SNX29: variants seen among roughly 807,000 people sequenced by gnomAD.
SNX29 encodes the protein sorting nexin 29.
A neutral mutation model predicts 102.1 loss-of-function variants in SNX29; 78 were observed. The ratio of observed to expected loss-of-function variants is 0.76; its 90% CI spans 0.64 to 0.92. The LOEUF is 0.92. Among genes scored for constraint, SNX29 ranks in the 40% least tolerant of loss-of-function variants. SNX29 has a pLI of 0.00. For missense variants in SNX29, 1,280 were observed against 1,061.7 expected, an observed-to-expected ratio of 1.21 and a Z score of -2.86; for synonymous variants, 580 against 414.5, an observed-to-expected ratio of 1.40 and a Z score of -4.85.
chr16:12,508,509 G>T (rs1297960158), intron 19 of SNX29, among the ~76,000 whole-genome samples: 1 of 152,216 alleles, frequency 6.6e-6, no homozygotes, highest in Non-Finnish European at 1.5e-5. Flanking sequence ...ATTTGAATTA[G>T]CTGCTAGCTG....
rs553272103 is a variant in SNX29, at chr16:12,051,954, C to A, written c.856C>A (p.Pro286Thr). 1.3e-5 allele frequency: 21 copies of A among 1,613,716 alleles called. No individual in the cohort carries two copies. The South Asian group carries it at 2.0e-4, about 15-fold the overall frequency. Residue 286 changes from proline (P) to threonine (T), a missense_variant, in exon 8 of 21, where the codon CCT (proline) becomes ACT (threonine). Physicochemically the swap from Pro to Thr is conservative, Grantham distance 38. Transcript: ENST00000566228. ...QNSGDVFKKT[P>T]GAGESSEDNS... ...CTCTGGGGACGTGTTTAAAAAGACA[C>A]CTGGGGCAGGGGAGAGCTCAGAGGA...
chr16:12,555,546 C>T (rs532912920), intron 20 of SNX29, among the ~76,000 whole-genome samples: 8 of 151,120 alleles, frequency 5.3e-5, no homozygotes, highest in East Asian at 4.0e-4. Context: ...GAGGTCATAC[C>T]GTGGGTTTGA....
chr16:12,385,867 G>T (rs1463378919), intron 16 of SNX29, among the ~76,000 whole-genome samples: 1 of 152,224 alleles, frequency 6.6e-6, no homozygotes, highest in Non-Finnish European at 1.5e-5. Context: ...AACATTCTCT[G>T]GGACCAACGG....
rs186087474 is a variant in SNX29 at position 12,036,632 on chromosome 16, C to A, written c.248-6265C>A. Among the ~76,000 whole-genome samples the A allele has an allele frequency of 3.5e-5, 5 of 142,478 alleles. No individual in the cohort carries two copies. In the South Asian group the frequency reaches 6.5e-4, roughly 18 times the overall value. The allele number at this position is 142,478 out of a possible 152,430, so 93.5% of individuals were successfully genotyped here. A position where few individuals can be genotyped will look rare whatever the true frequency, so the allele number is the denominator to read the frequency against. ...TACAGGCGTGAGCCACCGCGCCCAGCGGGTTTTCTGTTTTTGTTTTTGTTG... is the reference window on the plus strand; with the variant it reads ...TACAGGCGTGAGCCACCGCGCCCAGAGGGTTTTCTGTTTTTGTTTTTGTTG... On this transcript the variant is annotated intron_variant, in intron 4 of 20. Coordinates refer to ENST00000566228, the MANE Select transcript of SNX29 (RefSeq NM_032167.5).
intron 16 of SNX29, among the ~76,000 whole-genome samples, chr16:12,395,468 C>A (rs931303143): frequency 1.3e-5 from 2 of 152,236 alleles, no homozygotes; most frequent in Non-Finnish European, 2.9e-5. Flanking sequence ...TTTGCTCCAG[C>A]ATGATTCAGG....
At chr16:12,397,297 T>A (rs1055247476) in intron 16 of SNX29, among the ~76,000 whole-genome samples, 1 of 152,224 alleles carries the variant, frequency 6.6e-6, no homozygotes, top group African/African-American at 2.4e-5. Flanking sequence ...TTTTTCACCT[T>A]TTAGCTGACT....
At chr16:12,378,244 C>A (rs1251552382) in intron 16 of SNX29, among the ~76,000 whole-genome samples, 1 of 152,144 alleles carries the variant, frequency 6.6e-6, no homozygotes, top group Non-Finnish European at 1.5e-5. Flanking sequence ...GGTGTTTCCA[C>A]TCGTGGCAGC....
At chr16:12,390,232 C>A (rs1169807186) in intron 16 of SNX29, among the ~76,000 whole-genome samples, 1 of 151,650 alleles carries the variant, frequency 6.6e-6, no homozygotes, top group African/African-American at 2.4e-5. Flanking sequence ...TTGCCTCTTG[C>A]CTCCCATCTC....
At chr16:12,209,092 A>G (rs186263886) in intron 14 of SNX29, among the ~76,000 whole-genome samples, 2 of 152,236 alleles carry the variant, frequency 1.3e-5, no homozygotes, top group Admixed American at 6.5e-5. Context: ...CGGTTTACTA[A>G]TGGGAAAAAG....
chr16:12,310,811 A>T (rs1050996489), intron 15 of SNX29, among the ~76,000 whole-genome samples: 9 of 152,178 alleles, frequency 5.9e-5, no homozygotes, highest in Non-Finnish European at 1.5e-5. Context: ...TTAAAAAAAA[A>T]ATAAAGGCAA....
At chr16:12,453,619 A>T (rs903194215) in intron 18 of SNX29, among the ~76,000 whole-genome samples, 4 of 151,962 alleles carry the variant, frequency 2.6e-5, no homozygotes. Flanking sequence ...GGTCTCAAGC[A>T]GTCCTTGTGC....
chr16:12,135,657 C>T, intron 13 of SNX29: 1 of 1,296,092 alleles, frequency 7.7e-7, no homozygotes, highest in Non-Finnish European at 1.0e-6. Flanking sequence ...CATTTGAGCT[C>T]CTGGATCCAG....
At chr16:12,337,845 C>T (rs1428853068) in intron 15 of SNX29, among the ~76,000 whole-genome samples, 1 of 152,266 alleles carries the variant, frequency 6.6e-6, no homozygotes, top group African/African-American at 2.4e-5. Context: ...TGGGACAGTC[C>T]TCTTTATGTC....
At chr16:12,199,533 G>C (rs2076861316) in intron 13 of SNX29, 68 bp from the exon 14 acceptor site, 2 of 1,378,532 alleles carry the variant, frequency 1.5e-6, no homozygotes, top group East Asian at 5.0e-5. Flanking sequence ...ACCCACCCCT[G>C]CCCCCTCCTG....
intron 13 of SNX29, among the ~76,000 whole-genome samples, chr16:12,143,883 C>T (rs2054955173): frequency 6.6e-6 from 1 of 152,156 alleles, no homozygotes; most frequent in South Asian, 2.1e-4. Context: ...TCCAGGCTGC[C>T]CTCCAGACCA....
chr16:12,238,435 C>T (rs1173833383), intron 14 of SNX29, among the ~76,000 whole-genome samples: 1 of 152,122 alleles, frequency 6.6e-6, no homozygotes, highest in Non-Finnish European at 1.5e-5. Context: ...AAGCGATTCT[C>T]CCGCATCAGC....
intron 20 of SNX29, chr16:12,526,807 G>A (rs953804180): frequency 9.8e-6 from 4 of 408,936 alleles, no homozygotes; most frequent in African/African-American, 8.1e-5. Context: ...CACAGCCCAG[G>A]CATCTCCGGT....
At chr16:12,076,303 C>CTT (rs541884560) in intron 10 of SNX29, among the ~76,000 whole-genome samples, 6 of 139,816 alleles carry the variant, frequency 4.3e-5, no homozygotes, top group Non-Finnish European at 7.8e-5. Flanking sequence ...TGGCTCCTCC[C>CTT]TTTTTTTTTT....
In SNX29 at chr16:12,217,139, C is replaced by T. The variant is rs1286214214; in HGVS notation, c.1678+17456C>T. ...GACTTCCCAGGCTCAGGTGATTCTC[C>T]CATCTCAGCCTCTGAAGTAGCTGGG... On this transcript the variant is annotated intron_variant, in intron 14 of 20. Coordinates refer to ENST00000566228, the MANE Select transcript of SNX29 (RefSeq NM_032167.5). Among the ~76,000 whole-genome samples, 5 of 152,278 alleles carry T rather than the reference C, an allele frequency of 3.3e-5. No homozygotes were observed. In the East Asian group the frequency reaches 7.7e-4, roughly 23 times the overall value.
Sources: allele counts gnomAD v4.1 joint callset (sites outside exome capture counted in the v4.1 genomes callset), GRCh38; gene constraint gnomAD v4.1.1; transcripts MANE v1.5; gene names NCBI Gene and HGNC (gene_info 2026-07-23, HGNC 2026-07-21).